Variants in TNRC6B observed in about 807,000 individuals in gnomAD.
TNRC6B encodes trinucleotide repeat-containing gene 6B protein.
A neutral mutation model predicts 203.6 loss-of-function variants in TNRC6B; 52 were observed. The observed-to-expected ratio is 0.26, with a 90% CI of 0.20 to 0.32. The LOEUF (loss-of-function observed/expected upper bound fraction) is 0.32, where lower values mean the gene tolerates loss of function less well. TNRC6B is among the 10% of genes least tolerant of loss of function. The probability of loss-of-function intolerance (pLI) is 1.00; values close to 1 mark genes in which losing one functional copy is unlikely to be tolerated. For synonymous variants in TNRC6B, 838 were observed against 845.7 expected (o/e 0.99, Z 0.16); for missense variants, 1,923 against 2,286.2 (o/e 0.84, Z 3.24).
intron 2 of TNRC6B, chr22:40,246,424 G>A (rs2070108100): frequency 5.8e-6 from 1 of 172,314 alleles, no homozygotes; most frequent in South Asian, 1.2e-4. Flanking sequence ...TCCTGTCCTC[G>A]TGATCCCCCA....
intron 3 of TNRC6B, among the ~76,000 whole-genome samples, chr22:40,152,616 T>C (rs770472071): frequency 9.3e-5 from 14 of 151,160 alleles, no homozygotes; most frequent in East Asian, 4.0e-4. Flanking sequence ...GCGTGAGCCA[T>C]CGCACCCGGC....
intron 1 of TNRC6B, among the ~76,000 whole-genome samples, chr22:40,182,552 G>A (rs1285181422): frequency 2.0e-5 from 3 of 152,120 alleles, no homozygotes; most frequent in Admixed American, 6.6e-5. Flanking sequence ...TCTTCTTTCC[G>A]TCATATATTT....
At chr22:40,259,511 C>T (rs2070342201) in intron 3 of TNRC6B, among the ~76,000 whole-genome samples, 1 of 152,134 alleles carries the variant, frequency 6.6e-6, no homozygotes, top group South Asian at 2.1e-4. Flanking sequence ...CGTGAGCCAT[C>T]GCGCCTGGCC....
At chr22:40,297,988 G>A (rs2146543985) in intron 12 of TNRC6B, among the ~76,000 whole-genome samples, 1 of 151,340 alleles carries the variant, frequency 6.6e-6, no homozygotes, top group South Asian at 2.1e-4. Flanking sequence ...AGCCGGGCAT[G>A]GTGGCAGGCA....
chr22:40,223,401 A>G (rs1271368663), intron 1 of TNRC6B, among the ~76,000 whole-genome samples: 1 of 152,070 alleles, frequency 6.6e-6, no homozygotes, highest in Non-Finnish European at 1.5e-5. Context: ...GACCTCCCAA[A>G]GTGCTGGGAT....
chr22:40,281,760 A>G (rs1401798439), intron 11 of TNRC6B, among the ~76,000 whole-genome samples: 2 of 152,246 alleles, frequency 1.3e-5, no homozygotes, highest in African/African-American at 2.4e-5. Context: ...AGTGTAAAAT[A>G]TAGTAATTAC....
chr22:40,280,055 A>G lies in TNRC6B; in HGVS notation c.3323A>G (p.Asn1108Ser), dbSNP rs1418880350. The change falls in exon 10 of 23, where the codon AAT becomes AGT. Residue 1108 changes from asparagine to serine, a missense_variant. Physicochemically the swap from Asn to Ser is conservative, Grantham distance 46. This residue lies in a region of TNRC6B where 599 missense variants were observed against 656.5 expected (regional missense o/e 0.91). Transcript: ENST00000454349. ...DKRAMNLGDF[N>S]DIMRKDRSGF... Reference sequence around the variant, plus strand: ...CGAGCGATGAATCTCGGGGATTTTAATGATATCATGAGGAAGGATCGATCT... The same window carrying G: ...CGAGCGATGAATCTCGGGGATTTTAGTGATATCATGAGGAAGGATCGATCT... 3.1e-6 allele frequency: 5 copies of G among 1,613,936 alleles called. No homozygotes were observed. Among genetic ancestry groups the G allele is most frequent in the South Asian group, 1.1e-5 (1 of 91,070 alleles).
intron 3 of TNRC6B, among the ~76,000 whole-genome samples, chr22:40,132,949 A>AAAAAAAT (rs2068562072): frequency 1.4e-5 from 1 of 71,682 alleles, no homozygotes; most frequent in Non-Finnish European, 2.5e-5. Flanking sequence ...GTCTCAAAAA[A>AAAAAAAT]AAAAAAAAAA....
chr22:40,074,594 C>T (rs1037092421), intron 1 of TNRC6B, among the ~76,000 whole-genome samples: 3 of 152,036 alleles, frequency 2.0e-5, no homozygotes, highest in South Asian at 2.1e-4. Context: ...CTAGCTAACA[C>T]GGTAAAACCC....
At chr22:40,137,292 A>G (rs1455999565) in intron 3 of TNRC6B, among the ~76,000 whole-genome samples, 1 of 152,232 alleles carries the variant, frequency 6.6e-6, no homozygotes, top group Non-Finnish European at 1.5e-5. Flanking sequence ...CATGCAGCGC[A>G]AGTGCTTTCC....
intron 1 of TNRC6B, among the ~76,000 whole-genome samples, chr22:40,222,185 C>T (rs1341744870): frequency 2.0e-5 from 3 of 152,102 alleles, no homozygotes; most frequent in African/African-American, 4.8e-5. Context: ...TACCCATTTG[C>T]GGTCTATTGC....
intron 1 of TNRC6B, among the ~76,000 whole-genome samples, chr22:40,077,491 C>T (rs1317764451): frequency 2.0e-5 from 3 of 152,130 alleles, no homozygotes; most frequent in Non-Finnish European, 4.4e-5. Context: ...TGACCTTTAC[C>T]TTGCATATCT....
intron 1 of TNRC6B, among the ~76,000 whole-genome samples, chr22:40,221,278 T>C (rs553389544): frequency 1.2e-4 from 18 of 152,298 alleles, no homozygotes; most frequent in Admixed American, 3.3e-4. Context: ...GTTCCTAAGA[T>C]AGATCTCGAC....
At chr22:40,132,408 G>A (rs1412713521) in intron 3 of TNRC6B, among the ~76,000 whole-genome samples, 1 of 151,562 alleles carries the variant, frequency 6.6e-6, no homozygotes, top group Admixed American at 6.6e-5. Context: ...ACGGAGCCAG[G>A]AGGCAGAGGT....
intron 1 of TNRC6B, among the ~76,000 whole-genome samples, chr22:40,072,011 G>A (rs759376558): frequency 2.0e-5 from 3 of 152,016 alleles, no homozygotes; most frequent in Admixed American, 6.6e-5. Flanking sequence ...ACATCACTAC[G>A]CCTGACTGAT....
chr22:40,220,099 C>T (rs574130055), intron 1 of TNRC6B, among the ~76,000 whole-genome samples: 6 of 152,262 alleles, frequency 3.9e-5, no homozygotes, highest in Admixed American at 6.5e-5. Flanking sequence ...AGAATCGCTG[C>T]GGTAGTAGGT....
At chr22:40,200,278 C>CTT (rs59067007) in intron 1 of TNRC6B, among the ~76,000 whole-genome samples, 7,008 of 75,378 alleles carry the variant, frequency 0.093, 1,900 homozygotes, top group African/African-American at 0.2. Flanking sequence ...AAGTAATATT[C>CTT]TTTTTTTTTT....
chr22:40,196,761 C>T (rs1429276959), intron 1 of TNRC6B, among the ~76,000 whole-genome samples: 1 of 152,044 alleles, frequency 6.6e-6, no homozygotes, highest in Non-Finnish European at 1.5e-5. Context: ...AGTAGCTTCT[C>T]TCTGAGGTTC....
At chr22:40,098,207 G>A (rs1349559500) in intron 1 of TNRC6B, among the ~76,000 whole-genome samples, 1 of 151,766 alleles carries the variant, frequency 6.6e-6, no homozygotes, top group East Asian at 1.9e-4. Flanking sequence ...CCAACATGGT[G>A]AAACCCCATC....
Sources: allele counts gnomAD v4.1 joint callset (sites outside exome capture counted in the v4.1 genomes callset), GRCh38; gene constraint gnomAD v4.1.1; regional missense constraint gnomAD v4.1.1; transcripts MANE v1.5; gene names NCBI Gene and HGNC (gene_info 2026-07-23, HGNC 2026-07-21).